The following GNPAT variants were observed in gnomAD, a reference collection of about 807,000 sequenced individuals.
The protein encoded by GNPAT is dihydroxyacetone phosphate acyltransferase.
Under a neutral mutation model 78.4 loss-of-function variants are expected in GNPAT, and 30 were observed. The observed-to-expected ratio is 0.38, with a 90% confidence interval of 0.29 to 0.52. The LOEUF (loss-of-function observed/expected upper bound fraction) is 0.52, where lower values mean the gene tolerates loss of function less well. Ranked by LOEUF, GNPAT falls within the 20% of genes least tolerant of loss-of-function variation. The probability of loss-of-function intolerance (pLI) is 0.84; values close to 1 mark genes in which losing one functional copy is unlikely to be tolerated. For missense variants in GNPAT, 714 were observed against 812.2 expected, an observed-to-expected ratio of 0.88 and a Z score of 1.47; for synonymous variants, 271 against 281.1, an observed-to-expected ratio of 0.96 and a Z score of 0.36.
At chr1:231,260,790 G>A (rs1005114072) in intron 3 of GNPAT, 107 bp downstream of exon 3, 3 of 779,598 alleles carry the variant, frequency 3.8e-6, no homozygotes, top group Non-Finnish European at 6.4e-6. Flanking sequence ...ATCAACTCAA[G>A]GACAGCTCAC....
intron 1 of GNPAT, among the ~76,000 whole-genome samples, chr1:231,248,673 A>G (rs1387548220): frequency 6.6e-6 from 1 of 152,226 alleles, no homozygotes; most frequent in Non-Finnish European, 1.5e-5. Context: ...ACACACACAC[A>G]AACACACACA....
intron 2 of GNPAT, among the ~76,000 whole-genome samples, chr1:231,252,775 T>C (rs1684934533): frequency 6.6e-6 from 1 of 152,208 alleles, no homozygotes; most frequent in African/African-American, 2.4e-5. Flanking sequence ...TAGTGTGTTT[T>C]TGTAAGGAGA....
chr1:231,245,014 C>T (rs907741348), intron 1 of GNPAT, among the ~76,000 whole-genome samples: 5 of 152,200 alleles, frequency 3.3e-5, no homozygotes, highest in Non-Finnish European at 5.9e-5. Context: ...GTTTCTCAGA[C>T]AGTAAAATGC....
At chr1:231,259,354 A>C (rs1685156164) in intron 2 of GNPAT, among the ~76,000 whole-genome samples, 1 of 152,152 alleles carries the variant, frequency 6.6e-6, no homozygotes, top group Non-Finnish European at 1.5e-5. Context: ...TTCACTTTAA[A>C]ATGATTAATT....
rs147247931 is a variant in GNPAT, at chr1:231,272,313, G to A, written c.1524G>A (p.Glu508=). The A allele has an allele frequency of 3.9e-6, 6 of 1,539,058 alleles. No homozygotes were observed. The highest frequency in any genetic ancestry group is 5.4e-6 in the Non-Finnish European group (6 of 1,112,250). The change falls in exon 11 of 16, where the codon GAG becomes GAA. Residue 508 remains glutamate (E), a splice_region_variant and synonymous_variant. Coordinates refer to ENST00000366647, the MANE Select transcript of GNPAT (RefSeq NM_014236.4). ...ALQMTPGFRK[E]DVYSCFRFLR... The stretch of plus-strand genomic sequence containing the variant: ...TTTACATGATGCATTTATTTCCAGA[G>A]GATGTCTACAGTTGCTTTCGCTTCC...
At chr1:231,246,087 T>C (rs1313445407) in intron 1 of GNPAT, among the ~76,000 whole-genome samples, 1 of 151,962 alleles carries the variant, frequency 6.6e-6, no homozygotes, top group African/African-American at 2.4e-5. Context: ...CCTGTGCTCT[T>C]GAGATTATTT....
Position 231,266,275 on chromosome 1 carries a change from A to T in GNPAT, c.925-2A>T. 6.2e-7 allele frequency: 1 copy of T among 1,614,116 alleles called. No individual in the cohort carries two copies. Among genetic ancestry groups the T allele is most frequent in the South Asian group, 1.1e-5 (1 of 91,082 alleles). ...CTTCCCCCCCTGTTATGGTACTATT[A>T]GGGGTTGCTGAAAGCCAGAAAGATT... On this transcript the variant is annotated splice_acceptor_variant, in intron 7 of 15. Transcript: ENST00000366647. LOFTEE classifies it high-confidence loss of function.
Position 231,243,105 on chromosome 1 carries a change from C to T in GNPAT, c.78+1649C>T, listed in dbSNP as rs532957043. On this transcript the variant is annotated intron_variant, in intron 1 of 15. Coordinates refer to ENST00000366647, the MANE Select transcript of GNPAT (RefSeq NM_014236.4). Reference sequence around the variant, plus strand: ...GTATCCTACTCATTATTCTCAGTTTCCAAGATATAGAAGTTACAGATGCAG... The same window carrying T: ...GTATCCTACTCATTATTCTCAGTTTTCAAGATATAGAAGTTACAGATGCAG... Among the ~76,000 whole-genome samples the T allele has an allele frequency of 3.3e-5, 5 of 152,306 alleles. No homozygotes were observed. In the East Asian group the frequency reaches 9.7e-4, roughly 29 times the overall value.
At chr1:231,247,026 G>A (rs1029857766) in intron 1 of GNPAT, among the ~76,000 whole-genome samples, 1 of 152,082 alleles carries the variant, frequency 6.6e-6, no homozygotes, top group Non-Finnish European at 1.5e-5. Context: ...AAAATTAGCC[G>A]GGCATGGTGG....
chr1:231,257,480 G>A (rs1457573249), intron 2 of GNPAT, among the ~76,000 whole-genome samples: 1 of 152,090 alleles, frequency 6.6e-6, no homozygotes, highest in African/African-American at 2.4e-5. Flanking sequence ...GTCTTTTATT[G>A]TTACACACTC....
At chr1:231,249,294 C>T (rs1684829518) in intron 1 of GNPAT, among the ~76,000 whole-genome samples, 1 of 152,148 alleles carries the variant, frequency 6.6e-6, no homozygotes, top group Non-Finnish European at 1.5e-5. Flanking sequence ...TTCATATAGT[C>T]TCTCTATATA....
Sources: allele counts gnomAD v4.1 joint callset (sites outside exome capture counted in the v4.1 genomes callset), GRCh38; gene constraint gnomAD v4.1.1; transcripts MANE v1.5; gene names NCBI Gene and HGNC (gene_info 2026-07-23, HGNC 2026-07-21).